Variants in SLC48A1 observed in about 807,000 individuals in gnomAD.
SLC48A1 encodes the protein heme transporter HRG1.
A neutral mutation model predicts 14.8 loss-of-function variants in SLC48A1; 6 were observed. The observed-to-expected ratio is 0.41, with a 90% confidence interval of 0.22 to 0.80. The LOEUF is 0.80. SLC48A1 is among the 30% of genes least tolerant of loss of function. The pLI is 0.34. For missense variants in SLC48A1, 165 were observed against 204.8 expected, an observed-to-expected ratio of 0.81 and a Z score of 1.19; for synonymous variants, 89 against 90.0, an observed-to-expected ratio of 0.99 and a Z score of 0.06.
chr12:47,754,870 C>T (rs1029489050), upstream of SLC48A1, among the ~76,000 whole-genome samples: 5 of 152,170 alleles, frequency 3.3e-5, no homozygotes, highest in African/African-American at 4.8e-5. Context: ...GGGTTCAGGG[C>T]GGAAGAGGAG....
At chr12:47,758,375 C>T, upstream of SLC48A1, 6 of 1,490,698 alleles carry the variant, frequency 4.0e-6, no homozygotes, top group Non-Finnish European at 5.4e-6. Context: ...CCACTACCTC[C>T]CAGTATGAAG....
upstream of SLC48A1, among the ~76,000 whole-genome samples, chr12:47,757,173 A>T (rs765193320): frequency 2.6e-5 from 4 of 152,072 alleles, no homozygotes; most frequent in South Asian, 8.3e-4. Flanking sequence ...AAGCTACTCT[A>T]TTTAGTCTGG....
chr12:47,755,202 T>C (rs1483764525), upstream of SLC48A1, among the ~76,000 whole-genome samples: 1 of 152,216 alleles, frequency 6.6e-6, no homozygotes, highest in Admixed American at 6.5e-5. Flanking sequence ...CTTTGCCACT[T>C]AGCAGCTGCG....
At chr12:47,773,902 A>G (rs1942685422) in intron 1 of SLC48A1, among the ~76,000 whole-genome samples, 1 of 152,224 alleles carries the variant, frequency 6.6e-6, no homozygotes, top group Non-Finnish European at 1.5e-5. Context: ...GGGTGAGGGC[A>G]GAGAGGGAAG....
At chr12:47,760,506 G>T in intron 2 of SLC48A1, 1 of 659,220 alleles carries the variant, frequency 1.5e-6, no homozygotes, top group Non-Finnish European at 1.9e-6. Context: ...GAGACTGGCA[G>T]TTGGGTCACA....
chr12:47,780,418 C>A lies in SLC48A1; in HGVS notation c.*137C>A. On this transcript the variant is annotated 3_prime_UTR_variant, in exon 3 of 3. Coordinates refer to ENST00000442218, the MANE Select transcript of SLC48A1 (RefSeq NM_017842.3). ...AAATACACAGCAGGACGAGTGTGGT[C>A]TCCCAGGAAGCTGTCCTGCCCGTCC... 7.3e-7 allele frequency: 1 copy of A among 1,374,414 alleles called. No homozygotes were observed. Among genetic ancestry groups the A allele is most frequent in the Non-Finnish European group, 1.0e-6 (1 of 961,994 alleles). 85.1% of individuals were successfully genotyped at this position (1,374,414 alleles called of 1,614,324 possible).
At chr12:47,754,613 G>A (rs1941946652), upstream of SLC48A1, among the ~76,000 whole-genome samples, 1 of 152,322 alleles carries the variant, frequency 6.6e-6, no homozygotes, top group African/African-American at 2.4e-5. Context: ...AAAGGGTTAT[G>A]AGGATCAAAA....
chr12:47,762,205 A>T (rs1306284854), intron 2 of SLC48A1, among the ~76,000 whole-genome samples: 8 of 152,052 alleles, frequency 5.3e-5, no homozygotes, highest in African/African-American at 1.9e-4. Context: ...AGCGGCTCCC[A>T]TGGATAGCTC....
chr12:47,774,416 A>T (rs1229114434), intron 1 of SLC48A1, among the ~76,000 whole-genome samples: 7 of 152,208 alleles, frequency 4.6e-5, no homozygotes, highest in Non-Finnish European at 7.3e-5. Flanking sequence ...AGATAAGGAA[A>T]CTGAGGCCTG....
chr12:47,766,755 C>A (rs918926922), upstream of SLC48A1, among the ~76,000 whole-genome samples: 1 of 152,156 alleles, frequency 6.6e-6, no homozygotes, highest in Non-Finnish European at 1.5e-5. Context: ...GCCATCCTGC[C>A]CTCTGCAGAG....
intron 2 of SLC48A1, among the ~76,000 whole-genome samples, 157 bp downstream of exon 2, chr12:47,779,352 C>G (rs1365836296): frequency 6.6e-6 from 1 of 152,180 alleles, no homozygotes; most frequent in Non-Finnish European, 1.5e-5. Context: ...GTGGAGAAAA[C>G]AAGTCCCCAC....
intron 1 of SLC48A1, chr12:47,758,698 TG>T: frequency 7.2e-7 from 1 of 1,393,344 alleles, no homozygotes; most frequent in South Asian, 1.6e-5. Flanking sequence ...AGTGCCTAGC[TG>T]GACTGGCTGC....
At chr12:47,776,109 G>A (rs1942746727) in intron 1 of SLC48A1, among the ~76,000 whole-genome samples, 2 of 152,172 alleles carry the variant, frequency 1.3e-5, no homozygotes, top group Non-Finnish European at 2.9e-5. Flanking sequence ...AGGAATAGAG[G>A]GGCCTGACCT....
Position 47,778,895 on chromosome 12 carries a change from G to GA in SLC48A1, c.137-129dup, listed in dbSNP as rs1038620737. The GA allele has an allele frequency of 6.3e-6, 7 of 1,115,338 alleles. No homozygotes were observed. In the African/African-American group the frequency reaches 1.1e-4, roughly 18 times the overall value. The allele number at this position is 1,115,338 out of a possible 1,614,324, so 69.1% of individuals were successfully genotyped here. On this transcript the variant is annotated intron_variant, in intron 1 of 2. Transcript: ENST00000442218. The stretch of plus-strand genomic sequence containing the variant: ...TTCTGATATCACAGCCTCCGAAAAG[G>GA]AAAACTCCATTCTATGAGGGAATGA...
upstream of SLC48A1, chr12:47,757,913 G>A: frequency 6.4e-7 from 1 of 1,557,040 alleles, no homozygotes; most frequent in Non-Finnish European, 8.7e-7. Context: ...TCCAGCAGCA[G>A]CTGGTAGGAG....
intron 1 of SLC48A1, chr12:47,759,236 C>A (rs982285648): frequency 1.2e-5 from 5 of 405,402 alleles, no homozygotes; most frequent in Non-Finnish European, 1.7e-5. Context: ...TGAGTCACTG[C>A]GGCCTCACCC....
chr12:47,782,439 C>G lies in SLC48A1; in HGVS notation c.*2158C>G, dbSNP rs1323730200. On this transcript the variant is annotated 3_prime_UTR_variant, in exon 3 of 3. Coordinates refer to ENST00000442218, the MANE Select transcript of SLC48A1 (RefSeq NM_017842.3). The stretch of plus-strand genomic sequence containing the variant: ...CTCCTGTATTCCCACTCCCCCACCC[C>G]ACCCCCACTCCTGCCATATCAGGGC... 1 of 152,322 alleles carries G rather than the reference C, an allele frequency of 6.6e-6. No individual in the cohort carries two copies. The highest frequency in any genetic ancestry group is 2.1e-4 in the South Asian group (1 of 4,826). 9.4% of individuals were successfully genotyped at this position (152,322 alleles called of 1,614,324 possible).
In SLC48A1 at chr12:47,777,636, C is replaced by T. The variant is rs1186642865; in HGVS notation, c.137-1392C>T. ...AGCTGGTAACCAGAGCATAGCTCCA[C>T]AGTGACAAGCTTCCTCCTGCCTTTT... On this transcript the variant is annotated intron_variant, in intron 1 of 2. Transcript: ENST00000442218. This position sits in a 1 kb window ranked among gnomAD's most constrained non-coding sequence, Gnocchi z 4.5. 6.6e-6 allele frequency among the ~76,000 whole-genome samples: 1 copy of T among 152,222 alleles called. No homozygotes were observed. Among genetic ancestry groups the T allele is most frequent in the Non-Finnish European group, 1.5e-5 (1 of 68,040 alleles).
At chr12:47,763,646 G>T (rs572960467) in intron 2 of SLC48A1, among the ~76,000 whole-genome samples, 13 of 152,186 alleles carry the variant, frequency 8.5e-5, no homozygotes, top group Non-Finnish European at 1.5e-4. Context: ...TTCCTGGGGT[G>T]GGGGGCAGCG....
Sources: gnomAD v4.1 joint callset for allele counts (sites outside exome capture counted in the v4.1 genomes callset) on GRCh38, gnomAD v4.1.1 for gene constraint, Gnocchi (gnomAD v3.1) non-coding constraint, MANE v1.5 for transcripts, NCBI Gene and HGNC (gene_info 2026-07-23, HGNC 2026-07-21) for gene names.